Variants in CACNA2D3 observed in about 807,000 individuals in gnomAD.
CACNA2D3 encodes the protein voltage-dependent calcium channel subunit alpha-2/delta-3.
A neutral mutation model predicts 160.6 loss-of-function variants in CACNA2D3; 60 were observed. That is an observed-to-expected ratio of 0.37 (90% confidence interval 0.30 to 0.46). The LOEUF (loss-of-function observed/expected upper bound fraction) is 0.46, where lower values mean the gene tolerates loss of function less well. CACNA2D3 is among the 20% of genes least tolerant of loss of function. The pLI is 1.00. For missense variants in CACNA2D3, 1,205 were observed against 1,365.0 expected, an observed-to-expected ratio of 0.88 and a Z score of 1.85; for synonymous variants, 558 against 492.9, an observed-to-expected ratio of 1.13 and a Z score of -1.75.
chr3:54,289,337 A>T (rs1373055274), intron 2 of CACNA2D3, among the ~76,000 whole-genome samples: 14 of 152,120 alleles, frequency 9.2e-5, no homozygotes, highest in African/African-American at 2.9e-4. Context: ...ATACCTAGGA[A>T]TCCAACTTAC....
intron 10 of CACNA2D3, among the ~76,000 whole-genome samples, chr3:54,628,526 G>C (rs1018773313): frequency 6.6e-6 from 1 of 152,222 alleles, no homozygotes; most frequent in Admixed American, 6.5e-5. Flanking sequence ...GAACTCAACA[G>C]CATTTTTCTG....
intron 9 of CACNA2D3, chr3:54,626,507 G>A (rs1699108476): frequency 1.2e-6 from 2 of 1,607,704 alleles, no homozygotes; most frequent in East Asian, 4.5e-5. Flanking sequence ...GTCTACAACG[G>A]CAAGACCTTC....
At chr3:54,500,042 A>G (rs1040972341) in intron 4 of CACNA2D3, among the ~76,000 whole-genome samples, 8 of 152,156 alleles carry the variant, frequency 5.3e-5, no homozygotes, top group African/African-American at 1.9e-4. Flanking sequence ...CAGTTCTATC[A>G]GTCTTTGTTT....
chr3:54,159,702 C>G (rs1700307217), intron 2 of CACNA2D3, among the ~76,000 whole-genome samples: 1 of 151,968 alleles, frequency 6.6e-6, no homozygotes, highest in Admixed American at 6.6e-5. Flanking sequence ...GATTTGTTAC[C>G]CACAAAATTT....
At chr3:54,142,092 A>G (rs958053795) in intron 2 of CACNA2D3, among the ~76,000 whole-genome samples, 2 of 152,182 alleles carry the variant, frequency 1.3e-5, no homozygotes, top group African/African-American at 4.8e-5. Flanking sequence ...ATGATTCTTT[A>G]CTGAGACCAG....
chr3:54,173,494 G>A (rs535143986), intron 2 of CACNA2D3, among the ~76,000 whole-genome samples: 2 of 152,208 alleles, frequency 1.3e-5, no homozygotes, highest in East Asian at 3.9e-4. Context: ...TTTTCTGGCC[G>A]ACACACACAG....
chr3:54,716,908 CT>C (rs35289105), intron 11 of CACNA2D3, among the ~76,000 whole-genome samples: 54,805 of 145,886 alleles, frequency 0.38, 10,391 homozygotes, highest in Admixed American at 0.45. Context: ...TTGTGTGGCA[CT>C]TTTTTTTTTT....
intron 18 of CACNA2D3, among the ~76,000 whole-genome samples, chr3:54,876,546 A>T (rs1699663283): frequency 1.3e-5 from 2 of 152,230 alleles, no homozygotes; most frequent in African/African-American, 4.8e-5. Context: ...GATTTTTAAA[A>T]ACTCAGAAAT....
chr3:54,481,251 A>G (rs560756205), intron 4 of CACNA2D3, among the ~76,000 whole-genome samples: 1 of 152,360 alleles, frequency 6.6e-6, no homozygotes, highest in South Asian at 2.1e-4. Flanking sequence ...GCTTTGGGAC[A>G]TTCATCAGCT....
chr3:54,951,872 A>G (rs1701765975), intron 27 of CACNA2D3, among the ~76,000 whole-genome samples: 1 of 151,838 alleles, frequency 6.6e-6, no homozygotes, highest in Non-Finnish European at 1.5e-5. Context: ...ATTTTTGGAG[A>G]CGGTCTCACT....
intron 2 of CACNA2D3, among the ~76,000 whole-genome samples, chr3:54,164,022 G>T (rs1168679679): frequency 6.6e-6 from 1 of 152,232 alleles, no homozygotes; most frequent in Admixed American, 6.5e-5. Context: ...GAAGGTCAGG[G>T]AAGGAGATGG....
intron 16 of CACNA2D3, among the ~76,000 whole-genome samples, chr3:54,841,636 G>A (rs1698821645): frequency 6.6e-6 from 1 of 152,182 alleles, no homozygotes; most frequent in African/African-American, 2.4e-5. Context: ...GGCTCTTGGG[G>A]TTTTCCCAGA....
rs371460051 is a variant in CACNA2D3 at position 54,994,159 on chromosome 3, A to C, written c.2690+6406A>C. Among the ~76,000 whole-genome samples the C allele has an allele frequency of 2.2e-4, 34 of 152,168 alleles. 1 individual carries two copies. The East Asian group carries it at 3.9e-3, about 17-fold the overall frequency. On this transcript the variant is annotated intron_variant, in intron 31 of 37. Transcript: ENST00000474759. ...TCTAAAAGGTGACACATCCAGGTAGAATCCAAGATCTGTATCATTTCTACT... is the reference window on the plus strand; with the variant it reads ...TCTAAAAGGTGACACATCCAGGTAGCATCCAAGATCTGTATCATTTCTACT...
intron 27 of CACNA2D3, chr3:54,919,005 T>TG: frequency 7.1e-6 from 6 of 850,526 alleles, no homozygotes; most frequent in Non-Finnish European, 1.0e-5. Context: ...CTTTTTTTTT[T>TG]TTAAATCCTG....
intron 13 of CACNA2D3, among the ~76,000 whole-genome samples, chr3:54,777,143 C>A (rs1702439962): frequency 6.6e-6 from 1 of 152,172 alleles, no homozygotes; most frequent in African/African-American, 2.4e-5. Flanking sequence ...TGAAAGATTT[C>A]ATTCTTTCAC....
At chr3:54,263,234 G>A (rs2107441756) in intron 2 of CACNA2D3, among the ~76,000 whole-genome samples, 1 of 152,304 alleles carries the variant, frequency 6.6e-6, no homozygotes, top group Non-Finnish European at 1.5e-5. Context: ...ACTGAAAGTT[G>A]TGCTTATTCA....
intron 14 of CACNA2D3, among the ~76,000 whole-genome samples, chr3:54,822,782 CTTT>C (rs1262332896): frequency 2.5e-3 from 190 of 77,330 alleles, no homozygotes; most frequent in Middle Eastern, 5.5e-3. Context: ...TTCTTTCTTT[CTTT>C]CTTTCCTTTC....
At chr3:54,705,634 TAG>T (rs1251919351) in intron 11 of CACNA2D3, among the ~76,000 whole-genome samples, 3 of 152,212 alleles carry the variant, frequency 2.0e-5, no homozygotes, top group African/African-American at 7.2e-5. Context: ...CACAGGATTG[TAG>T]AGTTATTTAA....
At chr3:54,293,500 G>C (rs939791686) in intron 2 of CACNA2D3, among the ~76,000 whole-genome samples, 11 of 151,934 alleles carry the variant, frequency 7.2e-5, no homozygotes, top group African/African-American at 2.4e-4. Flanking sequence ...ATGATCTCCA[G>C]TTCCATCCAG....
Sources: allele counts gnomAD v4.1 joint callset (sites outside exome capture counted in the v4.1 genomes callset), GRCh38; gene constraint gnomAD v4.1.1; transcripts MANE v1.5; gene names NCBI Gene and HGNC (gene_info 2026-07-23, HGNC 2026-07-21).